The following SORCS3 variants were observed in gnomAD, a reference collection of about 807,000 sequenced individuals.
SORCS3 encodes sortilin related VPS10 domain containing receptor 3, also known as VPS10 domain-containing receptor SorCS3.
Under a neutral mutation model 146.3 loss-of-function variants are expected in SORCS3, and 57 were observed. The observed-to-expected ratio is 0.39, with a 90% CI of 0.31 to 0.49. The LOEUF is 0.49. SORCS3 is among the 20% of genes least tolerant of loss of function. The probability of loss-of-function intolerance (pLI) is 0.92; values close to 1 mark genes in which losing one functional copy is unlikely to be tolerated. For missense variants in SORCS3, 1,341 were observed against 1,575.5 expected, an observed-to-expected ratio of 0.85 and a Z score of 2.52; for synonymous variants, 653 against 618.5, an observed-to-expected ratio of 1.06 and a Z score of -0.83.
intron 2 of SORCS3, among the ~76,000 whole-genome samples, chr10:104,852,363 C>A (rs1390860907): frequency 6.6e-6 from 1 of 152,100 alleles, no homozygotes; most frequent in Non-Finnish European, 1.5e-5. Flanking sequence ...GATTTGGCAA[C>A]CATTCATGTT....
intron 11 of SORCS3, among the ~76,000 whole-genome samples, chr10:105,159,280 G>C (rs1031868156): frequency 6.6e-6 from 1 of 152,170 alleles, no homozygotes; most frequent in Non-Finnish European, 1.5e-5. Context: ...AATCAGAATG[G>C]TTGTTTGTAA....
At chr10:105,129,413 G>A (rs2056001355) in intron 7 of SORCS3, among the ~76,000 whole-genome samples, 1 of 147,896 alleles carries the variant, frequency 6.8e-6, no homozygotes, top group South Asian at 2.1e-4. Context: ...TGAGCACAGA[G>A]AGGGGGCAAT....
intron 4 of SORCS3, among the ~76,000 whole-genome samples, chr10:105,016,155 ATTTT>A (rs10625699): frequency 5.9e-5 from 6 of 101,344 alleles, no homozygotes; most frequent in African/African-American, 2.9e-4. Flanking sequence ...ATATATATAT[ATTTT>A]TTTTTTTTTT....
At chr10:105,234,549 T>C (rs1028157564) in intron 20 of SORCS3, among the ~76,000 whole-genome samples, 1 of 121,066 alleles carries the variant, frequency 8.3e-6, no homozygotes, top group African/African-American at 2.8e-5. Context: ...ATTCTTTTCC[T>C]TTTTTTTTTT....
intron 4 of SORCS3, among the ~76,000 whole-genome samples, chr10:105,034,943 T>G (rs2055296038): frequency 6.6e-6 from 1 of 152,198 alleles, no homozygotes; most frequent in African/African-American, 2.4e-5. Context: ...CACTAAGGAA[T>G]GACCCTAGTC....
intron 1 of SORCS3, among the ~76,000 whole-genome samples, chr10:104,680,950 C>T (rs1433570404): frequency 2.0e-5 from 3 of 152,164 alleles, no homozygotes; most frequent in African/African-American, 7.2e-5. Flanking sequence ...CCAGGCAGGC[C>T]CTGCGGGGAA....
chr10:104,692,024 A>G (rs926843177), intron 1 of SORCS3, among the ~76,000 whole-genome samples: 3 of 152,128 alleles, frequency 2.0e-5, no homozygotes, highest in Non-Finnish European at 2.9e-5. Flanking sequence ...ATGTGGACAC[A>G]TACAGGTATT....
chr10:104,798,382 GTTT>G (rs977274213), intron 1 of SORCS3, among the ~76,000 whole-genome samples: 6 of 151,922 alleles, frequency 3.9e-5, no homozygotes, highest in African/African-American at 1.5e-4. Flanking sequence ...TGAAGGGTGG[GTTT>G]TTTTTCTTCT....
At chr10:105,008,305 G>A (rs2055110198) in intron 4 of SORCS3, among the ~76,000 whole-genome samples, 2 of 152,168 alleles carry the variant, frequency 1.3e-5, no homozygotes, top group Non-Finnish European at 2.9e-5. Flanking sequence ...TTAATGATCT[G>A]TTCTTGGATG....
At chr10:105,228,839 C>T (rs544019860) in intron 20 of SORCS3, among the ~76,000 whole-genome samples, 18 of 152,166 alleles carry the variant, frequency 1.2e-4, no homozygotes, top group Non-Finnish European at 2.1e-4. Context: ...GATCTTTTTA[C>T]TTTGCATCTT....
At chr10:105,095,411 G>A (rs2055738857) in intron 6 of SORCS3, among the ~76,000 whole-genome samples, 2 of 152,148 alleles carry the variant, frequency 1.3e-5, no homozygotes, top group African/African-American at 4.8e-5. Context: ...CCTGTACCCT[G>A]CTTCTCAGGG....
chr10:104,967,317 A>G (rs547858326), intron 3 of SORCS3, among the ~76,000 whole-genome samples: 8 of 152,222 alleles, frequency 5.3e-5, no homozygotes, highest in Non-Finnish European at 1.0e-4. Flanking sequence ...ATAAAACACT[A>G]AAATATGATG....
intron 2 of SORCS3, among the ~76,000 whole-genome samples, chr10:104,867,309 ATT>A (rs1258978078): frequency 1.2e-4 from 16 of 138,256 alleles, no homozygotes; most frequent in Non-Finnish European, 1.7e-4. Flanking sequence ...CCAGTGTACA[ATT>A]TTTTTTTTTT....
intron 13 of SORCS3, among the ~76,000 whole-genome samples, chr10:105,177,560 G>A (rs955747887): frequency 1.3e-5 from 2 of 152,082 alleles, no homozygotes; most frequent in East Asian, 3.9e-4. Context: ...GACTCTCAGT[G>A]GTCATCCCTA....
chr10:105,066,812 C>A (rs1321856133), intron 5 of SORCS3, among the ~76,000 whole-genome samples: 3 of 152,032 alleles, frequency 2.0e-5, no homozygotes, highest in African/African-American at 4.8e-5. Flanking sequence ...CACCTTAGCC[C>A]CCAGTCCTTC....
At chr10:104,902,473 TTGACCATGAAAATTGC>T (rs1405884026) in intron 2 of SORCS3, among the ~76,000 whole-genome samples, 4 of 152,250 alleles carry the variant, frequency 2.6e-5, no homozygotes, top group African/African-American at 9.6e-5. Flanking sequence ...TTTGCATGGA[TTGACCATGAAAATTGC>T]TGTCTTCTCT....
intron 2 of SORCS3, 35 bp from the exon 3 acceptor site, chr10:104,915,798 G>T: frequency 6.3e-7 from 1 of 1,582,070 alleles, no homozygotes; most frequent in Non-Finnish European, 8.7e-7. Context: ...TTGGTAAAAT[G>T]ATCTCTCCCT....
At chr10:105,126,320 GC>G (rs1483572504) in intron 7 of SORCS3, among the ~76,000 whole-genome samples, 1 of 151,984 alleles carries the variant, frequency 6.6e-6, no homozygotes, top group African/African-American at 2.4e-5. Context: ...TGGCACTTCT[GC>G]CCTGCAACCT....
intron 1 of SORCS3, among the ~76,000 whole-genome samples, chr10:104,754,979 A>T (rs1484188936): frequency 1.3e-5 from 2 of 152,216 alleles, no homozygotes; most frequent in African/African-American, 2.4e-5. Flanking sequence ...GGGGATGCCA[A>T]AGAAGAAATT....
Sources: gnomAD v4.1 joint callset for allele counts (sites outside exome capture counted in the v4.1 genomes callset) on GRCh38, gnomAD v4.1.1 for gene constraint, MANE v1.5 for transcripts, NCBI Gene and HGNC (gene_info 2026-07-23, HGNC 2026-07-21) for gene names.